PSD3: variants seen among roughly 807,000 people sequenced by gnomAD.
PSD3 encodes the protein PH and SEC7 domain-containing protein 3.
Under a neutral mutation model 105.5 loss-of-function variants are expected in PSD3, and 49 were observed. The ratio of observed to expected loss-of-function variants is 0.46; its 90% confidence interval spans 0.37 to 0.59. The LOEUF is 0.59. PSD3 is among the 20% of genes least tolerant of loss of function. PSD3 has a pLI of 0.00. For synonymous variants in PSD3, 557 were observed against 457.8 expected (o/e 1.22, Z -2.77); for missense variants, 1,561 against 1,263.8 (o/e 1.24, Z -3.57).
intron 2 of PSD3, among the ~76,000 whole-genome samples, chr8:18,886,067 T>C (rs1381881531): frequency 1.3e-5 from 2 of 152,130 alleles, no homozygotes; most frequent in African/African-American, 4.8e-5. Flanking sequence ...CATCCAGCAC[T>C]ACAACATTAT....
intron 1 of PSD3, among the ~76,000 whole-genome samples, chr8:19,072,192 C>T (rs186693072): frequency 3.9e-4 from 60 of 152,090 alleles, no homozygotes; most frequent in Non-Finnish European, 8.1e-4. Context: ...GCCTCCACCT[C>T]CTGGGTTCAA....
chr8:18,949,866 AT>A (rs11410866), intron 1 of PSD3, among the ~76,000 whole-genome samples: 1 of 151,902 alleles, frequency 6.6e-6, no homozygotes, highest in African/African-American at 2.4e-5. Flanking sequence ...GTCTTGATAA[AT>A]TTTTTCATCA....
chr8:18,688,780 C>G (rs1315167718), intron 9 of PSD3, among the ~76,000 whole-genome samples: 1 of 152,202 alleles, frequency 6.6e-6, no homozygotes, highest in Non-Finnish European at 1.5e-5. Context: ...CCTGCCCCAT[C>G]TGGCTCTGAG....
chr8:18,691,270 A>G (rs538601856), intron 9 of PSD3, among the ~76,000 whole-genome samples: 2 of 152,360 alleles, frequency 1.3e-5, no homozygotes, highest in Non-Finnish European at 2.9e-5. Flanking sequence ...CTCATGAACA[A>G]GACCAGTCAT....
intron 14 of PSD3, among the ~76,000 whole-genome samples, chr8:18,569,038 A>G (rs1393992951): frequency 7.4e-6 from 1 of 135,888 alleles, no homozygotes. Context: ...ACATGAACTC[A>G]TCATTTTTTA....
chr8:18,545,120 ACT>A (rs1186282578), intron 15 of PSD3, among the ~76,000 whole-genome samples: 43 of 152,322 alleles, frequency 2.8e-4, no homozygotes, highest in African/African-American at 1.0e-3. Flanking sequence ...CATTCTTTAC[ACT>A]GTTTCTCTAG....
intron 1 of PSD3, among the ~76,000 whole-genome samples, chr8:18,965,368 G>A (rs1168682875): frequency 6.6e-6 from 1 of 152,118 alleles, no homozygotes. Context: ...AAGGGAATAG[G>A]TTGCGCCCTT....
At chr8:18,693,592 C>T (rs917004466) in intron 9 of PSD3, among the ~76,000 whole-genome samples, 6 of 152,146 alleles carry the variant, frequency 3.9e-5, no homozygotes, top group Non-Finnish European at 8.8e-5. Context: ...GTGACCTAAG[C>T]CCGGCCATAT....
At chr8:18,570,497 C>A (rs1272824242) in intron 14 of PSD3, among the ~76,000 whole-genome samples, 6 of 147,704 alleles carry the variant, frequency 4.1e-5, no homozygotes, top group South Asian at 2.2e-4. Context: ...AGAGCTTCTG[C>A]ACAGCAAAAG....
At chr8:18,539,821 C>T (rs948848705) in intron 15 of PSD3, among the ~76,000 whole-genome samples, 5 of 152,104 alleles carry the variant, frequency 3.3e-5, no homozygotes, top group African/African-American at 9.7e-5. Flanking sequence ...GCTGGGATTA[C>T]AAGCGTGAGG....
At chr8:18,873,560 A>C (rs1341511019) in intron 2 of PSD3, among the ~76,000 whole-genome samples, 2 of 152,174 alleles carry the variant, frequency 1.3e-5, no homozygotes, top group Non-Finnish European at 2.9e-5. Context: ...ACTGTACCTC[A>C]AATTTTTGGT....
At chr8:18,842,509 G>A (rs900124925) in intron 4 of PSD3, among the ~76,000 whole-genome samples, 1 of 152,270 alleles carries the variant, frequency 6.6e-6, no homozygotes, top group Non-Finnish European at 1.5e-5. Flanking sequence ...CGAGGCGGGC[G>A]GATCACAAGG....
At chr8:19,059,796 T>C (rs1828835292) in intron 1 of PSD3, among the ~76,000 whole-genome samples, 1 of 152,218 alleles carries the variant, frequency 6.6e-6, no homozygotes, top group Non-Finnish European at 1.5e-5. Flanking sequence ...TCTTGGATCA[T>C]TTGCTTTTTT....
At chr8:18,790,873 C>A (rs1027687416) in intron 8 of PSD3, among the ~76,000 whole-genome samples, 1 of 151,864 alleles carries the variant, frequency 6.6e-6, no homozygotes, top group Non-Finnish European at 1.5e-5. Context: ...GCAACCTTGG[C>A]GAAGTCTCAG....
chr8:18,984,346 T>C (rs986841749), intron 1 of PSD3, among the ~76,000 whole-genome samples: 2 of 152,084 alleles, frequency 1.3e-5, no homozygotes, highest in African/African-American at 4.8e-5. Flanking sequence ...CAGGTATTCA[T>C]ACATTAAAAT....
At chr8:18,568,566 G>A (rs12541264) in intron 14 of PSD3, among the ~76,000 whole-genome samples, 14,849 of 152,074 alleles carry the variant, frequency 0.098, 746 homozygotes, top group South Asian at 0.21. Flanking sequence ...CACCAGAAGT[G>A]TCCATTCTAC....
At chr8:19,071,364 G>A (rs1249721223) in intron 1 of PSD3, among the ~76,000 whole-genome samples, 1 of 151,982 alleles carries the variant, frequency 6.6e-6, no homozygotes, top group Non-Finnish European at 1.5e-5. Context: ...ATGAATTACT[G>A]TAGGTACATA....
intron 4 of PSD3, among the ~76,000 whole-genome samples, chr8:18,848,818 G>A (rs1815332788): frequency 6.6e-6 from 1 of 152,180 alleles, no homozygotes; most frequent in South Asian, 2.1e-4. Context: ...TTATGGTCTA[G>A]GTTGTTTATT....
intron 1 of PSD3, among the ~76,000 whole-genome samples, chr8:19,002,564 C>T (rs2129474515): frequency 6.6e-6 from 1 of 151,966 alleles, no homozygotes; most frequent in East Asian, 1.9e-4. Context: ...TATAGAAAAA[C>T]ACTGAAAGTT....
Sources: gnomAD v4.1 joint callset for allele counts (sites outside exome capture counted in the v4.1 genomes callset) on GRCh38, gnomAD v4.1.1 for gene constraint, MANE v1.5 for transcripts, NCBI Gene and HGNC (gene_info 2026-07-23, HGNC 2026-07-21) for gene names.